FLVCR1: variants seen among roughly 807,000 people sequenced by gnomAD.
FLVCR1 encodes the protein FLVCR choline and heme transporter 1.
FLVCR1 carries 34 observed loss-of-function variants against 53.6 expected under a neutral mutation model. That is an observed-to-expected ratio of 0.63 (90% CI 0.48 to 0.84). The LOEUF is 0.84. Among genes scored for constraint, FLVCR1 ranks in the 40% least tolerant of loss-of-function variants. The probability of loss-of-function intolerance (pLI) is 0.00; values close to 1 mark genes in which losing one functional copy is unlikely to be tolerated. For synonymous variants in FLVCR1, 300 were observed against 286.3 expected, an observed-to-expected ratio of 1.05 and a Z score of -0.48; for missense variants, 677 against 696.7, an observed-to-expected ratio of 0.97 and a Z score of 0.32.
intron 4 of FLVCR1, among the ~76,000 whole-genome samples, chr1:212,883,861 A>G (rs1418931585): frequency 6.7e-6 from 1 of 149,772 alleles, no homozygotes; most frequent in Non-Finnish European, 1.5e-5. Flanking sequence ...TTTTTGGAAA[A>G]GTGGCCCATT....
chr1:212,859,941 C>T (rs1664169622), intron 1 of FLVCR1, among the ~76,000 whole-genome samples: 1 of 152,090 alleles, frequency 6.6e-6, no homozygotes, highest in African/African-American at 2.4e-5. Flanking sequence ...CATATATTAG[C>T]AGTCAGCACA....
chr1:212,886,141 A>G (rs1170554019), intron 5 of FLVCR1, among the ~76,000 whole-genome samples: 9 of 148,678 alleles, frequency 6.1e-5, no homozygotes, highest in African/African-American at 2.2e-4. Context: ...TTCCAGGCTC[A>G]AGTGATTCTC....
At chr1:212,884,355 G>A (rs1166778597) in intron 4 of FLVCR1, among the ~76,000 whole-genome samples, 2 of 151,652 alleles carry the variant, frequency 1.3e-5, no homozygotes, top group East Asian at 1.9e-4. Context: ...CCAAGATAGC[G>A]CCACTGTACT....
At chr1:212,874,268 GA>G (rs1483468391) in intron 3 of FLVCR1, among the ~76,000 whole-genome samples, 1 of 152,074 alleles carries the variant, frequency 6.6e-6, no homozygotes, top group Non-Finnish European at 1.5e-5. Flanking sequence ...CTTGGCCTCC[GA>G]AAGTGCGGGA....
At position 212,895,617 on chromosome 1, in the gene FLVCR1, G is replaced by A. The variant is rs929003955; in HGVS notation, c.*327G>A. 6 of 357,088 alleles carry A rather than the reference G, an allele frequency of 1.7e-5. No homozygotes were observed. The highest frequency in any genetic ancestry group is 3.2e-5 in the Non-Finnish European group (6 of 190,100). 22.1% of individuals were successfully genotyped at this position (357,088 alleles called of 1,614,324 possible). A position where few individuals can be genotyped will look rare whatever the true frequency, so the allele number is the denominator to read the frequency against. On this transcript the variant is annotated 3_prime_UTR_variant, in exon 10 of 10. Coordinates refer to ENST00000366971, the MANE Select transcript of FLVCR1 (RefSeq NM_014053.4). ...GATGTTTTTCTTTTTTGTAGAAAATGGAAGCTTAGAATACTTTTTAAAGTG... is the reference window on the plus strand; with the variant it reads ...GATGTTTTTCTTTTTTGTAGAAAATAGAAGCTTAGAATACTTTTTAAAGTG...
At chr1:212,886,744 G>A (rs571526502) in intron 5 of FLVCR1, among the ~76,000 whole-genome samples, 1 of 152,162 alleles carries the variant, frequency 6.6e-6, no homozygotes, top group Non-Finnish European at 1.5e-5. Flanking sequence ...AGGTTGCAGC[G>A]AGCTGAGATA....
chr1:212,875,337 C>T (rs1664723696), intron 3 of FLVCR1, among the ~76,000 whole-genome samples: 1 of 152,140 alleles, frequency 6.6e-6, no homozygotes, highest in Non-Finnish European at 1.5e-5. Context: ...TCATTGAGGC[C>T]TATCATTGAG....
At chr1:212,875,842 GA>G (rs146533407) in intron 3 of FLVCR1, among the ~76,000 whole-genome samples, 74 of 138,004 alleles carry the variant, frequency 5.4e-4, no homozygotes, top group Non-Finnish European at 6.4e-4. Flanking sequence ...CTCCATCTGA[GA>G]AAAAAAAAAA....
chr1:212,888,399 A>T (rs1665111727), intron 6 of FLVCR1, 90 bp from the exon 7 acceptor site: 1 of 900,266 alleles, frequency 1.1e-6, no homozygotes, highest in African/African-American at 1.6e-5. Flanking sequence ...TTTGGTCATT[A>T]GAATAAGCCC....
In FLVCR1 at chr1:212,858,630, G is replaced by T. The variant is rs569621196; in HGVS notation, c.178G>T (p.Ala60Ser). 4 of 1,534,224 alleles carry T rather than the reference G, an allele frequency of 2.6e-6. No individual in the cohort carries two copies. The highest frequency in any genetic ancestry group is 2.6e-6 in the Non-Finnish European group (3 of 1,140,314). The change falls in exon 1 of 10, where the codon GCC becomes TCC. Residue 60 changes from alanine (A) to serine (S), a missense_variant. Transcript: ENST00000366971. ...NGAPRDSLAA[A>S]SGVLGGPQTP... Reference sequence around the variant, plus strand: ...GGCCCCCCGGGACAGCCTCGCTGCCGCCTCGGGAGTTCTGGGCGGGCCTCA... The same window carrying T: ...GGCCCCCCGGGACAGCCTCGCTGCCTCCTCGGGAGTTCTGGGCGGGCCTCA...
chr1:212,880,709 A>G (rs901262781), intron 3 of FLVCR1, among the ~76,000 whole-genome samples: 1 of 151,932 alleles, frequency 6.6e-6, no homozygotes, highest in Non-Finnish European at 1.5e-5. Flanking sequence ...GAGGCAGGAG[A>G]ATCACTTGAG....
chr1:212,862,928 A>G (rs2102534661), intron 1 of FLVCR1, among the ~76,000 whole-genome samples: 1 of 152,300 alleles, frequency 6.6e-6, no homozygotes, highest in East Asian at 1.9e-4. Context: ...CATGTTTTCA[A>G]ATGCTTATTG....
Position 212,888,470 on chromosome 1 carries a change from T to C in FLVCR1, c.1308-19T>C. 6.4e-7 allele frequency: 1 copy of C among 1,552,224 alleles called. No homozygotes were observed. Among genetic ancestry groups the C allele is most frequent in the Non-Finnish European group, 8.9e-7 (1 of 1,124,156 alleles). On this transcript the variant is annotated intron_variant, in intron 6 of 9. Transcript: ENST00000366971. ...ACTTTCTGGTAGTTCTTTCTGTAAT[T>C]CTGGATTTATTTTCCTAGCTTCTTC...
Position 212,858,916 on chromosome 1 carries a change from T to A in FLVCR1, c.464T>A (p.Leu155Gln), listed in dbSNP as rs759356598. 1 of 1,614,266 alleles carries A rather than the reference T, an allele frequency of 6.2e-7. No homozygotes were observed. Among genetic ancestry groups the A allele is most frequent in the Non-Finnish European group, 8.5e-7 (1 of 1,180,038 alleles). The change falls in exon 1 of 10, where the codon CTG becomes CAG. Residue 155 changes from leucine to glutamine, a missense_variant. Transcript: ENST00000366971. The part of the protein sequence containing the change: ...HIDWLSMVYM[L>Q]AYVPLIFPAT... ...GACTGGCTGTCCATGGTGTACATGC[T>A]GGCCTACGTGCCCCTCATCTTCCCG...
chr1:212,897,104 G>A lies in FLVCR1; in HGVS notation c.*1814G>A, dbSNP rs867159131. 2.9e-4 allele frequency: 44 copies of A among 151,450 alleles called. No individual in the cohort carries two copies. The highest frequency in any genetic ancestry group is 1.0e-3 in the African/African-American group (41 of 41,144). 9.4% of individuals were successfully genotyped at this position (151,450 alleles called of 1,614,324 possible). ...GAATCGCTTGAATGCGAATGGCAGA[G>A]GTTGCAGTGAGCGAAAATCACACTA... On this transcript the variant is annotated 3_prime_UTR_variant, in exon 10 of 10. Coordinates refer to ENST00000366971, the MANE Select transcript of FLVCR1 (RefSeq NM_014053.4).
intron 3 of FLVCR1, among the ~76,000 whole-genome samples, chr1:212,881,428 T>A (rs545776980): frequency 6.7e-6 from 1 of 148,244 alleles, no homozygotes; most frequent in African/African-American, 2.5e-5. Context: ...AACCTCCACC[T>A]CCCGGATTCA....
intron 8 of FLVCR1, among the ~76,000 whole-genome samples, chr1:212,894,240 A>T (rs994379635): frequency 3.1e-4 from 47 of 151,662 alleles, no homozygotes; most frequent in Non-Finnish European, 6.5e-4. Flanking sequence ...TGCAACCTCC[A>T]CCTCCCAGGT....
At chr1:212,893,606 G>A (rs1024911338) in intron 8 of FLVCR1, among the ~76,000 whole-genome samples, 5 of 152,042 alleles carry the variant, frequency 3.3e-5, no homozygotes, top group Admixed American at 2.0e-4. Context: ...GGCAAACTTC[G>A]TCACTGTCTT....
intron 5 of FLVCR1, 102 bp from the exon 6 acceptor site, chr1:212,887,789 T>C (rs1475474569): frequency 1.5e-6 from 1 of 680,960 alleles, no homozygotes; most frequent in Non-Finnish European, 2.7e-6. Flanking sequence ...AGGGGTGAAC[T>C]TTGAAAAACA....
Sources: allele counts gnomAD v4.1 joint callset (sites outside exome capture counted in the v4.1 genomes callset), GRCh38; gene constraint gnomAD v4.1.1; transcripts MANE v1.5; gene names NCBI Gene and HGNC (gene_info 2026-07-23, HGNC 2026-07-21).